Variants in STAU1 observed in about 807,000 individuals in gnomAD.
STAU1 encodes staufen double-stranded RNA binding protein 1.
Under a neutral mutation model 62.9 loss-of-function variants are expected in STAU1, and 13 were observed. The ratio of observed to expected loss-of-function variants is 0.21; its 90% CI spans 0.13 to 0.33. The LOEUF (loss-of-function observed/expected upper bound fraction) is 0.33, where lower values mean the gene tolerates loss of function less well. STAU1 is among the 10% of genes least tolerant of loss of function. The pLI is 1.00. For synonymous variants in STAU1, 269 were observed against 265.1 expected (o/e 1.01, Z -0.14); for missense variants, 571 against 712.1 (o/e 0.80, Z 2.25).
chr20:49,143,160 G>C (rs2093047619), intron 5 of STAU1, among the ~76,000 whole-genome samples: 1 of 152,128 alleles, frequency 6.6e-6, no homozygotes, highest in Non-Finnish European at 1.5e-5. Flanking sequence ...GGCAGCAAAT[G>C]GTTCAAAACT....
At chr20:49,183,658 C>T (rs904862639) in intron 1 of STAU1, among the ~76,000 whole-genome samples, 1 of 152,196 alleles carries the variant, frequency 6.6e-6, no homozygotes, top group Admixed American at 6.6e-5. Flanking sequence ...TTTGATAACA[C>T]CCAGAATGAT....
intron 1 of STAU1, among the ~76,000 whole-genome samples, chr20:49,187,283 G>A (rs2093799583): frequency 6.6e-6 from 1 of 152,164 alleles, no homozygotes; most frequent in South Asian, 2.1e-4. Flanking sequence ...AGTTGCCTAA[G>A]CGGAGATGGA....
intron 1 of STAU1, among the ~76,000 whole-genome samples, chr20:49,183,019 T>C (rs767794149): frequency 6.6e-6 from 1 of 152,182 alleles, no homozygotes; most frequent in African/African-American, 2.4e-5. Context: ...TGTCCTCTCA[T>C]AGTTCAACTG....
the STAU1 span, among the ~76,000 whole-genome samples, chr20:49,203,519 A>G: frequency 6.6e-6 from 1 of 152,206 alleles, no homozygotes; most frequent in African/African-American, 2.4e-5. Flanking sequence ...TATGCTTTGT[A>G]ATGGACATAG....
Position 49,114,716 on chromosome 20 carries a change from G to T in STAU1, c.*162C>A. 1.4e-6 allele frequency: 1 copy of T among 702,168 alleles called. No individual in the cohort carries two copies. Among genetic ancestry groups the T allele is most frequent in the Non-Finnish European group, 2.5e-6 (1 of 404,132 alleles). The allele number at this position is 702,168 out of a possible 1,614,324, so 43.5% of individuals were successfully genotyped here. On this transcript the variant is annotated 3_prime_UTR_variant, in exon 14 of 14. Transcript: ENST00000371856. ...AGCACAGTCCAGCCCGGCCACAGCC[G>T]CCTCCTTGTGTTTCTGTTGTCTTCC...
intron 8 of STAU1, among the ~76,000 whole-genome samples, chr20:49,121,376 G>T (rs1469151818): frequency 6.6e-6 from 1 of 152,110 alleles, no homozygotes; most frequent in Non-Finnish European, 1.5e-5. Flanking sequence ...CCACTGCCCT[G>T]CAGCCTGGAC....
intron 5 of STAU1, among the ~76,000 whole-genome samples, chr20:49,143,716 A>AT (rs1473204157): frequency 2.0e-5 from 3 of 152,232 alleles, no homozygotes; most frequent in Non-Finnish European, 2.9e-5. Context: ...CTGTTTTTCT[A>AT]TATCTAAAGT....
At position 49,161,047 on chromosome 20, in the gene STAU1, GGTGGCTAACACCT is replaced by G. The variant is rs540931878; in HGVS notation, c.205+4937_205+4949del. On this transcript the variant is annotated intron_variant, in intron 3 of 13. Transcript: ENST00000371856. Reference sequence around the variant, plus strand: ...TTAAAAGCAAAATATGGCCAGGCGGGGTGGCTAACACCTGTAATCCCAGCATTTTGGGAGGCCA... The same window carrying G: ...TTAAAAGCAAAATATGGCCAGGCGGGGTAATCCCAGCATTTTGGGAGGCCA... 6.9e-3 allele frequency among the ~76,000 whole-genome samples: 1,053 copies of G among 152,116 alleles called. 6 individuals are homozygous for G. The Middle Eastern group carries it at 0.071, about 10-fold the overall frequency.
chr20:49,207,033 C>T, the STAU1 span, among the ~76,000 whole-genome samples: 26,242 of 151,634 alleles, frequency 0.17, 2,284 homozygotes, highest in African/African-American at 0.19. Flanking sequence ...GGATTACAGG[C>T]GTCAGCCACC....
rs546711906 is a variant in STAU1, at chr20:49,129,212, T to C, written c.610-4625A>G. Among the ~76,000 whole-genome samples the C allele has an allele frequency of 8.6e-5, 13 of 150,972 alleles. No individual in the cohort carries two copies. In the South Asian group the frequency reaches 1.7e-3, roughly 19 times the overall value. The stretch of plus-strand genomic sequence containing the variant: ...AGAAGCTCAGTATTGCTAGTCTTCA[T>C]GGAGATATATAAATTAAAACCACAA... On this transcript the variant is annotated intron_variant, in intron 6 of 13. Transcript: ENST00000371856.
chr20:49,176,119 C>T (rs1014650232), intron 1 of STAU1, among the ~76,000 whole-genome samples: 1 of 152,162 alleles, frequency 6.6e-6, no homozygotes, highest in African/African-American at 2.4e-5. Context: ...AGGAACTGTA[C>T]ATTACATATC....
At chr20:49,152,224 C>T (rs900389196) in intron 4 of STAU1, among the ~76,000 whole-genome samples, 3 of 152,106 alleles carry the variant, frequency 2.0e-5, no homozygotes, top group African/African-American at 7.2e-5. Context: ...ATCCATTTCC[C>T]TAGCAGAACC....
intron 5 of STAU1, among the ~76,000 whole-genome samples, chr20:49,150,591 G>C (rs371699123): frequency 4.6e-5 from 7 of 152,232 alleles, no homozygotes; most frequent in African/African-American, 1.2e-4. Context: ...TCAATCTCCT[G>C]ACCTCATGAT....
In STAU1 at chr20:49,115,021, A is replaced by C. The variant is rs942618434; in HGVS notation, c.1719-128T>G. On this transcript the variant is annotated intron_variant, in intron 13 of 13. Coordinates refer to ENST00000371856, the MANE Select transcript of STAU1 (RefSeq NM_017453.4). ...CTAAAAGCCCCAGTTTATGATAACA[A>C]AAGTTTTCCCAGGGTATGCCAGTAA... 5.2e-6 allele frequency: 5 copies of C among 963,218 alleles called. No homozygotes were observed. The East Asian group carries it at 1.3e-4, about 25-fold the overall frequency. The allele number at this position is 963,218 out of a possible 1,614,324, so 59.7% of individuals were successfully genotyped here. A position where few individuals can be genotyped will look rare whatever the true frequency, so the allele number is the denominator to read the frequency against.
intron 1 of STAU1, among the ~76,000 whole-genome samples, chr20:49,176,757 C>T (rs937155063): frequency 3.9e-5 from 6 of 152,234 alleles, no homozygotes; most frequent in Admixed American, 2.0e-4. Flanking sequence ...GCCCAAATAC[C>T]AAAGACCTTC....
At chr20:49,134,985 T>C (rs577895835) in intron 6 of STAU1, 1 of 1,602,844 alleles carries the variant, frequency 6.2e-7, no homozygotes, top group Admixed American at 1.7e-5. Flanking sequence ...AGACAGTTCA[T>C]GAACAAGAGT....
the STAU1 span, among the ~76,000 whole-genome samples, chr20:49,206,749 A>ATTTTTTTTT: frequency 2.7e-5 from 2 of 73,154 alleles, no homozygotes; most frequent in African/African-American, 1.1e-4. Flanking sequence ...ATATATATAT[A>ATTTTTTTTT]TATTTTATTT....
At position 49,123,238 on chromosome 20, in the gene STAU1, G is replaced by A. The variant is rs540195229; in HGVS notation, c.823-3C>T. On this transcript the variant is annotated splice_region_variant and splice_polypyrimidine_tract_variant and intron_variant, in intron 7 of 13. Coordinates refer to ENST00000371856, the MANE Select transcript of STAU1 (RefSeq NM_017453.4). ...CCATATTCTGGGCTTGTCTGTGGCT[G>A]AGGAACAAACAAGGCAGAAACTCTG... The A allele has an allele frequency of 1.9e-6, 3 of 1,614,168 alleles. No homozygotes were observed. Among genetic ancestry groups the A allele is most frequent in the South Asian group, 1.1e-5 (1 of 91,082 alleles).
chr20:49,175,798 C>T (rs1399637699), intron 1 of STAU1, among the ~76,000 whole-genome samples: 6 of 104,822 alleles, frequency 5.7e-5, no homozygotes, highest in Admixed American at 2.3e-4. Context: ...CTCATAATGC[C>T]TTTTTTTTTT....
Sources: gnomAD v4.1 joint callset for allele counts (sites outside exome capture counted in the v4.1 genomes callset) on GRCh38, gnomAD v4.1.1 for gene constraint, MANE v1.5 for transcripts, NCBI Gene and HGNC (gene_info 2026-07-23, HGNC 2026-07-21) for gene names.